The following SLC25A28 variants were observed in gnomAD, a reference collection of about 807,000 sequenced individuals.
SLC25A28 encodes the protein mitoferrin-2.
SLC25A28 carries 10 observed loss-of-function variants against 31.9 expected under a neutral mutation model. That is an observed-to-expected ratio of 0.31 (90% confidence interval 0.19 to 0.53). The LOEUF (loss-of-function observed/expected upper bound fraction) is 0.53. Among genes scored for constraint, SLC25A28 ranks in the 20% least tolerant of loss-of-function variants. The pLI is 0.95. For missense variants in SLC25A28, 256 were observed against 490.3 expected, an observed-to-expected ratio of 0.52 and a Z score of 4.51; for synonymous variants, 208 against 203.6, an observed-to-expected ratio of 1.02 and a Z score of -0.19.
intron 1 of SLC25A28, chr10:99,617,113 A>G (rs1055100291): frequency 2.0e-6 from 2 of 985,446 alleles, no homozygotes; most frequent in Non-Finnish European, 2.4e-6. Flanking sequence ...AGAGCCAACA[A>G]CAGCAGCTTG....
At chr10:99,644,797 T>C in the SLC25A28 span, among the ~76,000 whole-genome samples, 1 of 152,194 alleles carries the variant, frequency 6.6e-6, no homozygotes, top group South Asian at 2.1e-4. Context: ...AGGATTTTAT[T>C]TCTCCTTCAT....
chr10:99,652,618 G>T, the SLC25A28 span, among the ~76,000 whole-genome samples: 1 of 151,990 alleles, frequency 6.6e-6, no homozygotes, highest in Admixed American at 6.6e-5. Flanking sequence ...ACATGAGGAG[G>T]GTGTCCACAC....
rs2297447 is a variant in SLC25A28 at position 99,612,797 on chromosome 10, A to G, written c.521-198T>C. The G allele has an allele frequency of 3.0e-4, 186 of 630,350 alleles. 3 individuals carry two copies. In the East Asian group the frequency reaches 5.0e-3, roughly 17 times the overall value. 39.0% of individuals were successfully genotyped at this position (630,350 alleles called of 1,614,324 possible). A position where few individuals can be genotyped will look rare whatever the true frequency, so the allele number is the denominator to read the frequency against. On this transcript the variant is annotated intron_variant, in intron 2 of 3. Transcript: ENST00000370495. ...AGTATCTGTTCCCACCAACTTTGTA[A>G]GGTCACTAATGTATTCCACATCCAT...
the SLC25A28 span, among the ~76,000 whole-genome samples, chr10:99,648,734 G>A: frequency 2.1e-5 from 1 of 46,650 alleles, no homozygotes; most frequent in East Asian, 5.7e-4. Context: ...TTGCCTTTTT[G>A]ATTTGGTCAT....
intron 1 of SLC25A28, chr10:99,618,936 C>T: frequency 1.0e-6 from 1 of 985,410 alleles, no homozygotes. Flanking sequence ...AAAAAGCTGC[C>T]AGGTCACTGT....
the SLC25A28 span, among the ~76,000 whole-genome samples, chr10:99,655,766 G>A: frequency 1.6e-4 from 24 of 151,996 alleles, no homozygotes; most frequent in Non-Finnish European, 3.1e-4. Context: ...CCAATATTTT[G>A]TGAGGGTATG....
chr10:99,653,224 A>G, the SLC25A28 span, among the ~76,000 whole-genome samples: 1 of 152,180 alleles, frequency 6.6e-6, no homozygotes, highest in African/African-American at 2.4e-5. Context: ...CATACAAAGG[A>G]TAAAGTTTCT....
chr10:99,636,989 A>C, the SLC25A28 span, among the ~76,000 whole-genome samples: 3 of 152,342 alleles, frequency 2.0e-5, no homozygotes, highest in South Asian at 6.2e-4. Flanking sequence ...TGTAACCAAA[A>C]AAGAAAACAA....
chr10:99,649,754 G>T, the SLC25A28 span, among the ~76,000 whole-genome samples: 8 of 152,270 alleles, frequency 5.3e-5, no homozygotes, highest in Admixed American at 2.6e-4. Flanking sequence ...GCATACAGTT[G>T]TTCATAATAG....
intron 1 of SLC25A28, chr10:99,619,005 C>CTCAG: frequency 4.1e-6 from 4 of 985,434 alleles, no homozygotes; most frequent in Non-Finnish European, 4.8e-6. Context: ...CAACAGTCCC[C>CTCAG]TCTAGTTTAC....
chr10:99,631,275 A>T, the SLC25A28 span, among the ~76,000 whole-genome samples: 75 of 152,302 alleles, frequency 4.9e-4, no homozygotes, highest in Non-Finnish European at 8.5e-4. Context: ...TTCTGTGAAA[A>T]AAGATTGAGG....
chr10:99,641,906 G>A, the SLC25A28 span, among the ~76,000 whole-genome samples: 1 of 152,124 alleles, frequency 6.6e-6, no homozygotes, highest in East Asian at 1.9e-4. Context: ...TGAGGGCTCT[G>A]TTCTGTTCCA....
upstream of SLC25A28, among the ~76,000 whole-genome samples, chr10:99,623,927 A>G (rs145037889): frequency 3.7e-3 from 563 of 152,352 alleles, 11 homozygotes; most frequent in Non-Finnish European, 1.7e-3. Context: ...ACCATAGCAT[A>G]AACTAGCCCA....
At chr10:99,653,644 T>C in the SLC25A28 span, among the ~76,000 whole-genome samples, 1 of 152,232 alleles carries the variant, frequency 6.6e-6, no homozygotes, top group Non-Finnish European at 1.5e-5. Context: ...CTTGCCTTGA[T>C]CCTTCCGCTT....
upstream of SLC25A28, chr10:99,621,994 A>C (rs954365882): frequency 7.9e-5 from 12 of 152,180 alleles, no homozygotes; most frequent in Middle Eastern, 3.4e-3. Flanking sequence ...TGAAGGTGCC[A>C]TGTGGACACC....
chr10:99,637,978 C>T, the SLC25A28 span, among the ~76,000 whole-genome samples: 15 of 152,022 alleles, frequency 9.9e-5, no homozygotes, highest in African/African-American at 3.6e-4. Context: ...AAAAAGAGCC[C>T]GCATAGCCAA....
chr10:99,625,018 C>T (rs1442593682), upstream of SLC25A28, among the ~76,000 whole-genome samples: 2 of 151,962 alleles, frequency 1.3e-5, no homozygotes, highest in Non-Finnish European at 2.9e-5. Context: ...CGGACACTCG[C>T]GGTGAGTGTT....
the SLC25A28 span, among the ~76,000 whole-genome samples, chr10:99,643,816 A>G: frequency 2.0e-5 from 3 of 151,948 alleles, no homozygotes; most frequent in Non-Finnish European, 4.4e-5. Context: ...CCTTCATTTC[A>G]TTATGTACCC....
the SLC25A28 span, among the ~76,000 whole-genome samples, chr10:99,631,878 A>ATTTTTTTTTTT: frequency 3.0e-4 from 28 of 92,908 alleles, 6 homozygotes; most frequent in Admixed American, 4.7e-4. Context: ...TCAGTATGTT[A>ATTTTTTTTTTT]TTTTTTTTTT....
Sources: allele counts gnomAD v4.1 joint callset (sites outside exome capture counted in the v4.1 genomes callset), GRCh38; gene constraint gnomAD v4.1.1; transcripts MANE v1.5; gene names NCBI Gene and HGNC (gene_info 2026-07-23, HGNC 2026-07-21).